The following TBL1X variants were observed in gnomAD, a reference collection of about 807,000 sequenced individuals.
TBL1X encodes F-box-like/WD repeat-containing protein TBL1X.
TBL1X carries 10 observed loss-of-function variants against 50.7 expected under a neutral mutation model. The ratio of observed to expected loss-of-function variants is 0.20; its 90% CI spans 0.12 to 0.33. TBL1X has a LOEUF of 0.33. Among genes scored for constraint, TBL1X ranks in the 10% least tolerant of loss-of-function variants. TBL1X has a pLI of 1.00. For missense variants in TBL1X, 340 were observed against 504.4 expected (o/e 0.67, Z 3.12); for synonymous variants, 190 against 214.7 (o/e 0.88, Z 1.01).
intron 1 of TBL1X, among the ~76,000 whole-genome samples, chrX:9,499,346 C>T (rs1378190243): frequency 2.7e-5 from 3 of 111,438 alleles, no homozygotes; most frequent in South Asian, 3.8e-4. Context: ...GGACCTCGCC[C>T]GCTAGTCATT....
intron 1 of TBL1X, among the ~76,000 whole-genome samples, chrX:9,491,306 T>TTATATATATATATATATATATA (rs757466880): frequency 3.9e-5 from 2 of 51,901 alleles, no homozygotes; most frequent in African/African-American, 7.8e-5. Context: ...GCCAGTATAT[T>TTATATATATATATATATATATA]TATATATATA....
intron 2 of TBL1X, among the ~76,000 whole-genome samples, chrX:9,549,264 C>T (rs2039930371): frequency 8.9e-6 from 1 of 112,474 alleles, no homozygotes; most frequent in Admixed American, 9.4e-5. Flanking sequence ...TGCTCCTCAG[C>T]GGCAGGTTCT....
chrX:9,691,769 C>T, intron 8 of TBL1X, 58 bp downstream of exon 8: 1 of 1,179,963 alleles, frequency 8.5e-7, no homozygotes, highest in South Asian at 1.9e-5. Context: ...ATGCAAGCTG[C>T]TCGCCCTTCT....
At chrX:9,691,821 C>T in intron 8 of TBL1X, 110 bp downstream of exon 8, 1 of 1,044,983 alleles carries the variant, frequency 9.6e-7, no homozygotes, top group Non-Finnish European at 1.3e-6. Flanking sequence ...CCTTCTTACC[C>T]CGGTGTGTGG....
chrX:9,514,464 A>AG (rs764583009), intron 2 of TBL1X, among the ~76,000 whole-genome samples: 33 of 111,767 alleles, frequency 3.0e-4, no homozygotes, highest in African/African-American at 1.0e-3. Context: ...TGACCTTTCT[A>AG]GGGTTCATGT....
intron 12 of TBL1X, among the ~76,000 whole-genome samples, chrX:9,699,141 C>T (rs1277044477): frequency 9.0e-6 from 1 of 111,407 alleles, no homozygotes; most frequent in Non-Finnish European, 1.9e-5. Context: ...CCACCAAGCC[C>T]AGCTAATTTT....
At chrX:9,540,299 C>T (rs1202589455) in intron 2 of TBL1X, among the ~76,000 whole-genome samples, 1 of 112,260 alleles carries the variant, frequency 8.9e-6, no homozygotes, top group East Asian at 2.8e-4. Flanking sequence ...GCAACTGACT[C>T]ACAGGAGCCT....
At chrX:9,641,016 A>C (rs989840577) in intron 3 of TBL1X, among the ~76,000 whole-genome samples, 1 of 111,573 alleles carries the variant, frequency 9.0e-6, no homozygotes, top group Non-Finnish European at 1.9e-5. Flanking sequence ...TCTAAAATCA[A>C]CCTCTCTTGT....
chrX:9,525,991 T>A (rs986488196), intron 2 of TBL1X, among the ~76,000 whole-genome samples: 1 of 110,979 alleles, frequency 9.0e-6, no homozygotes, highest in Non-Finnish European at 1.9e-5. Flanking sequence ...CCTGCCTCAT[T>A]TTTGTTTCTA....
At chrX:9,610,860 G>A (rs1325695642) in intron 2 of TBL1X, among the ~76,000 whole-genome samples, 2 of 112,113 alleles carry the variant, frequency 1.8e-5, no homozygotes, top group East Asian at 2.8e-4. Flanking sequence ...AGCATCTGTC[G>A]TTTTACAGCA....
At chrX:9,643,291 C>T (rs2082785585) in intron 3 of TBL1X, among the ~76,000 whole-genome samples, 2 of 111,296 alleles carry the variant, frequency 1.8e-5, no homozygotes, top group Non-Finnish European at 3.8e-5. Context: ...ACAGGACATC[C>T]TCCCCAACCC....
At chrX:9,516,446 C>T (rs1402691258) in intron 2 of TBL1X, among the ~76,000 whole-genome samples, 2 of 111,911 alleles carry the variant, frequency 1.8e-5, no homozygotes, top group Non-Finnish European at 3.8e-5. Context: ...TTCTCAAGGG[C>T]CAGCACAGAC....
At chrX:9,530,507 T>C (rs1328322970) in intron 2 of TBL1X, among the ~76,000 whole-genome samples, 3 of 112,452 alleles carry the variant, frequency 2.7e-5, no homozygotes, top group African/African-American at 9.7e-5. Context: ...TACTTTTTAA[T>C]GAACAGACCA....
chrX:9,549,969 G>A (rs929836019), intron 2 of TBL1X, among the ~76,000 whole-genome samples: 7 of 111,716 alleles, frequency 6.3e-5, no homozygotes, highest in African/African-American at 2.3e-4. Context: ...ATGCTTTCGT[G>A]ACACCCAGCC....
At chrX:9,531,205 G>A (rs999122117) in intron 2 of TBL1X, 5 of 111,186 alleles carry the variant, frequency 4.5e-5, no homozygotes, top group African/African-American at 1.6e-4. Context: ...AACTCACACA[G>A]TAAATGAGTC....
chrX:9,655,593 T>C (rs969734431), intron 5 of TBL1X, among the ~76,000 whole-genome samples: 2 of 111,737 alleles, frequency 1.8e-5, no homozygotes, highest in Non-Finnish European at 1.9e-5. Context: ...CTTCAACTCA[T>C]AACAGTCGGT....
chrX:9,642,396 A>G lies in TBL1X; in HGVS notation c.-43+2036A>G, dbSNP rs769414965. ...CCTACATAACATACTCTTTCTGCCT[A>G]TGCTGCGTGCTGCGTCTCAGAAAGT... On this transcript the variant is annotated intron_variant, in intron 3 of 17. Coordinates refer to ENST00000645353, the MANE Select transcript of TBL1X (RefSeq NM_005647.4). Among the ~76,000 whole-genome samples, 10 of 111,811 alleles carry G rather than the reference A, an allele frequency of 8.9e-5. No homozygotes were observed. In the South Asian group the frequency reaches 3.4e-3, roughly 38 times the overall value.
chrX:9,687,692 G>A (rs2083068538), intron 6 of TBL1X, among the ~76,000 whole-genome samples: 1 of 87,287 alleles, frequency 1.1e-5, no homozygotes, highest in Admixed American at 1.5e-4. Flanking sequence ...CCCCCGCCAC[G>A]TTGAGAATTG....
intron 1 of TBL1X, among the ~76,000 whole-genome samples, chrX:9,492,034 A>C (rs929913652): frequency 1.8e-5 from 2 of 112,047 alleles, no homozygotes; most frequent in Non-Finnish European, 3.8e-5. Flanking sequence ...AGATCAGCCA[A>C]GTATTGCCTC....
Sources: gnomAD v4.1 joint callset for allele counts (sites outside exome capture counted in the v4.1 genomes callset) on GRCh38, gnomAD v4.1.1 for gene constraint, MANE v1.5 for transcripts, NCBI Gene and HGNC (gene_info 2026-07-23, HGNC 2026-07-21) for gene names.